MLLT10: variants seen among roughly 807,000 people sequenced by gnomAD.
The protein encoded by MLLT10 is MLLT10 histone lysine methyltransferase DOT1L cofactor, also known as protein AF-10.
MLLT10 carries 30 observed loss-of-function variants against 129.1 expected under a neutral mutation model. The observed-to-expected ratio is 0.23, with a 90% confidence interval of 0.17 to 0.32. The LOEUF (loss-of-function observed/expected upper bound fraction) is 0.32, where lower values mean the gene tolerates loss of function less well. MLLT10 is among the 10% of genes least tolerant of loss of function. MLLT10 has a pLI of 1.00. For missense variants in MLLT10, 1,119 were observed against 1,268.3 expected (o/e 0.88, Z 1.79); for synonymous variants, 490 against 446.4 (o/e 1.10, Z -1.23).
At chr10:21,636,400 G>A (rs1331084091) in intron 8 of MLLT10, among the ~76,000 whole-genome samples, 2 of 152,090 alleles carry the variant, frequency 1.3e-5, no homozygotes, top group African/African-American at 2.4e-5. Flanking sequence ...CCAGTGTTAC[G>A]ATTACAGGGT....
chr10:21,668,692 T>G (rs931256806), intron 9 of MLLT10, among the ~76,000 whole-genome samples: 1 of 152,126 alleles, frequency 6.6e-6, no homozygotes, highest in African/African-American at 2.4e-5. Flanking sequence ...TTTCATGGGT[T>G]TTTATGGACA....
At chr10:21,562,563 C>G (rs2038964424) in intron 3 of MLLT10, among the ~76,000 whole-genome samples, 1 of 151,830 alleles carries the variant, frequency 6.6e-6, no homozygotes, top group Non-Finnish European at 1.5e-5. Context: ...GTTTCAAACT[C>G]CTGACCTCAA....
At chr10:21,595,251 A>C in intron 4 of MLLT10, 80 bp from the exon 5 acceptor site, 1 of 963,366 alleles carries the variant, frequency 1.0e-6, no homozygotes, top group Non-Finnish European at 1.6e-6. Flanking sequence ...TAGACATTTA[A>C]GGGATCTGTT....
chr10:21,568,052 TG>T (rs1205524264), intron 3 of MLLT10, among the ~76,000 whole-genome samples: 1 of 152,036 alleles, frequency 6.6e-6, no homozygotes, highest in Admixed American at 6.6e-5. Context: ...TCCTGACCTC[TG>T]GTGATCCACC....
chr10:21,737,429 G>C (rs1029923307), intron 21 of MLLT10, among the ~76,000 whole-genome samples: 1 of 152,104 alleles, frequency 6.6e-6, no homozygotes, highest in African/African-American at 2.4e-5. Context: ...GTATGTTGAT[G>C]GGACATTGCT....
chr10:21,618,065 G>C (rs2045440123), intron 8 of MLLT10, among the ~76,000 whole-genome samples: 1 of 152,114 alleles, frequency 6.6e-6, no homozygotes, highest in African/African-American at 2.4e-5. Flanking sequence ...AGATAAAAAG[G>C]ACATTGTCAA....
At chr10:21,705,511 G>T (rs140237350) in intron 13 of MLLT10, among the ~76,000 whole-genome samples, 1 of 152,140 alleles carries the variant, frequency 6.6e-6, no homozygotes, top group Admixed American at 6.5e-5. Flanking sequence ...TCAGGTAGCC[G>T]GGGCAGCATT....
At chr10:21,693,853 G>C (rs1235705869) in intron 13 of MLLT10, among the ~76,000 whole-genome samples, 2 of 151,696 alleles carry the variant, frequency 1.3e-5, no homozygotes, top group Non-Finnish European at 2.9e-5. Flanking sequence ...GTTTGTTTTT[G>C]TTCACTAATC....
At chr10:21,637,168 A>C (rs930402438) in intron 8 of MLLT10, among the ~76,000 whole-genome samples, 1 of 152,192 alleles carries the variant, frequency 6.6e-6, no homozygotes, top group Non-Finnish European at 1.5e-5. Flanking sequence ...ATCATAATTC[A>C]TAGAAACATG....
At chr10:21,595,080 T>A (rs1249444922) in intron 4 of MLLT10, among the ~76,000 whole-genome samples, 1 of 152,224 alleles carries the variant, frequency 6.6e-6, no homozygotes, top group East Asian at 1.9e-4. Flanking sequence ...AGTGCCAACA[T>A]CTGAATTTAT....
chr10:21,690,259 A>G (rs2053725676), intron 13 of MLLT10, among the ~76,000 whole-genome samples: 1 of 152,124 alleles, frequency 6.6e-6, no homozygotes, highest in African/African-American at 2.4e-5. Flanking sequence ...GCAGATGGGA[A>G]GAGATCAAGT....
chr10:21,684,652 C>T (rs1231775821), intron 13 of MLLT10, among the ~76,000 whole-genome samples: 1 of 152,198 alleles, frequency 6.6e-6, no homozygotes, highest in Non-Finnish European at 1.5e-5. Context: ...TTTCTAGATG[C>T]TACTAGAATT....
rs537828323 is a variant in MLLT10, at chr10:21,592,948, G to A, written c.296-2383G>A. On this transcript the variant is annotated intron_variant, in intron 4 of 22. Coordinates refer to ENST00000307729, the MANE Select transcript of MLLT10 (RefSeq NM_001195626.3). ...TGAGACTCTGATTACATGTGTGTTA[G>A]ATCTGCCTGCCTATTACATTTTTCA... Among the ~76,000 whole-genome samples the A allele has an allele frequency of 1.3e-4, 20 of 152,170 alleles. No individual in the cohort carries two copies. The East Asian group carries it at 3.9e-3, about 29-fold the overall frequency.
chr10:21,721,148 A>T (rs1315306129), intron 14 of MLLT10, among the ~76,000 whole-genome samples: 1 of 152,200 alleles, frequency 6.6e-6, no homozygotes, highest in African/African-American at 2.4e-5. Context: ...CAGCTAGTTT[A>T]GAGCTTTTTT....
chr10:21,550,081 C>T (rs1485312693), intron 3 of MLLT10, among the ~76,000 whole-genome samples: 3 of 152,116 alleles, frequency 2.0e-5, no homozygotes, highest in Admixed American at 6.6e-5. Flanking sequence ...AGTGAGAGTT[C>T]TGTTAGTAGG....
chr10:21,621,951 CTT>C (rs1234149136), intron 8 of MLLT10, among the ~76,000 whole-genome samples: 1 of 151,922 alleles, frequency 6.6e-6, no homozygotes, highest in East Asian at 1.9e-4. Context: ...AATGAAATAA[CTT>C]AATTTACAAC....
chr10:21,712,785 T>C (rs918529395), intron 13 of MLLT10, among the ~76,000 whole-genome samples: 1 of 152,252 alleles, frequency 6.6e-6, no homozygotes, highest in South Asian at 2.1e-4. Context: ...TGTCTCCAGG[T>C]ATTGTGAAAT....
intron 13 of MLLT10, chr10:21,688,396 C>T: frequency 1.0e-6 from 1 of 1,004,478 alleles, no homozygotes; most frequent in East Asian, 2.4e-5. Flanking sequence ...CACTGCACCC[C>T]ATCATAATAT....
At chr10:21,579,276 G>A (rs914739809) in intron 3 of MLLT10, among the ~76,000 whole-genome samples, 1 of 152,008 alleles carries the variant, frequency 6.6e-6, no homozygotes, top group African/African-American at 2.4e-5. Flanking sequence ...TTTTCTTTTG[G>A]TGCTTCAAGA....
Sources: gnomAD v4.1 joint callset for allele counts (sites outside exome capture counted in the v4.1 genomes callset) on GRCh38, gnomAD v4.1.1 for gene constraint, MANE v1.5 for transcripts, NCBI Gene and HGNC (gene_info 2026-07-23, HGNC 2026-07-21) for gene names.